Variants in SPTLC3 observed in about 807,000 individuals in gnomAD.
SPTLC3 encodes serine palmitoyltransferase long chain base subunit 3, also known as serine palmitoyltransferase 3.
In SPTLC3, 36 loss-of-function variants were observed where a neutral mutation model predicts 59.3. That is an observed-to-expected ratio of 0.61 (90% confidence interval 0.47 to 0.80). The LOEUF is 0.80. SPTLC3 is among the 30% of genes least tolerant of loss of function. The pLI, the probability that SPTLC3 is intolerant of heterozygous loss-of-function variation, is 0.00. For missense variants in SPTLC3, 625 were observed against 685.1 expected (o/e 0.91, Z 0.98); for synonymous variants, 257 against 240.8 (o/e 1.07, Z -0.62).
At chr20:13,112,513 C>G (rs537384276) in intron 7 of SPTLC3, among the ~76,000 whole-genome samples, 2 of 152,284 alleles carry the variant, frequency 1.3e-5, no homozygotes, top group African/African-American at 2.4e-5. Flanking sequence ...GACCCTACCC[C>G]CTGATGGAGG....
At chr20:13,117,761 G>A (rs976111117) in intron 8 of SPTLC3, 36 bp downstream of exon 8, 1 of 1,564,504 alleles carries the variant, frequency 6.4e-7, no homozygotes, top group Non-Finnish European at 8.7e-7. Flanking sequence ...TTTAAAACCT[G>A]AGCGCCCTGG....
At chr20:13,110,357 C>A in intron 7 of SPTLC3, 140 bp downstream of exon 7, 2 of 657,648 alleles carry the variant, frequency 3.0e-6, no homozygotes, top group Non-Finnish European at 5.1e-6. Context: ...ACAGAGCCAC[C>A]AATGGGAGCT....
In SPTLC3 at chr20:13,091,085, A is replaced by G; in HGVS notation, c.610A>G (p.Thr204Ala). 1 of 1,613,690 alleles carries G rather than the reference A, an allele frequency of 6.2e-7. No homozygotes were observed. Among genetic ancestry groups the G allele is most frequent in the Non-Finnish European group, 8.5e-7 (1 of 1,179,726 alleles). ...TTCTCATGTAATTTTATGTGCAGGC[A>G]CCTTGGATAAGCACAAGGAGTTGGA... ...GVASTRHEMG[T>A]LDKHKELEDL... Residue 204 changes from threonine (T) to alanine (A), a missense_variant and splice_region_variant, in exon 5 of 12, where the codon ACC becomes GCC. Transcript: ENST00000399002.
intron 2 of SPTLC3, among the ~76,000 whole-genome samples, chr20:13,070,236 T>C (rs1043405234): frequency 6.6e-6 from 1 of 152,190 alleles, no homozygotes; most frequent in Non-Finnish European, 1.5e-5. Context: ...AAGGTGAGAC[T>C]TTTAAATGTA....
intron 11 of SPTLC3, chr20:13,164,323 A>T (rs916204660): frequency 2.5e-5 from 12 of 471,602 alleles, no homozygotes; most frequent in African/African-American, 2.0e-4. Flanking sequence ...GATGTTAATC[A>T]GCTCCCGCAA....
chr20:13,051,537 G>A (rs536006111), intron 2 of SPTLC3, among the ~76,000 whole-genome samples: 3 of 152,326 alleles, frequency 2.0e-5, no homozygotes, highest in Admixed American at 6.5e-5. Flanking sequence ...CATCAAGAGA[G>A]AAAGTCAACA....
chr20:13,148,318 C>T (rs2038563107), intron 9 of SPTLC3, among the ~76,000 whole-genome samples: 1 of 152,126 alleles, frequency 6.6e-6, no homozygotes, highest in African/African-American at 2.4e-5. Context: ...GTTAACCTAG[C>T]CTGTCTCTCA....
rs1985977434 is a variant in SPTLC3, at chr20:13,023,196, AC to A, written c.117+13818del. ...CACATGCTTTCTAAAATTGCAACCC[AC>A]CCCCCAACTTCCTGGCCCCTTTCCT... On this transcript the variant is annotated intron_variant, in intron 1 of 11. Transcript: ENST00000399002. Among the ~76,000 whole-genome samples the A allele has an allele frequency of 3.0e-5, 4 of 132,282 alleles. No individual in the cohort carries two copies. In the South Asian group the frequency reaches 1.0e-3, roughly 33 times the overall value. 86.8% of individuals were successfully genotyped at this position (132,282 alleles called of 152,430 possible).
chr20:13,144,241 T>C (rs1358989153), intron 9 of SPTLC3, among the ~76,000 whole-genome samples: 1 of 152,188 alleles, frequency 6.6e-6, no homozygotes, highest in Non-Finnish European at 1.5e-5. Context: ...CTTCTTTTAT[T>C]GGGCACTTGA....
chr20:13,129,341 T>C (rs1375348134), intron 9 of SPTLC3, among the ~76,000 whole-genome samples: 1 of 152,178 alleles, frequency 6.6e-6, no homozygotes, highest in Admixed American at 6.5e-5. Context: ...TGAAGCGAGA[T>C]AGAGTGGCAT....
intron 10 of SPTLC3, among the ~76,000 whole-genome samples, chr20:13,155,254 C>A (rs1333596966): frequency 6.6e-6 from 1 of 152,112 alleles, no homozygotes; most frequent in Admixed American, 6.5e-5. Flanking sequence ...TCTGACCAAG[C>A]ACATGATAGA....
At chr20:13,133,188 A>G (rs2038164765) in intron 9 of SPTLC3, 1 of 152,128 alleles carries the variant, frequency 6.6e-6, no homozygotes. Context: ...CCCTAATCCC[A>G]CACTCTGTTC....
Position 13,160,105 on chromosome 20 carries a change from G to A in SPTLC3, c.1518G>A (p.Ala506=), listed in dbSNP as rs750563511. The stretch of plus-strand genomic sequence containing the variant: ...CTCGGGCTCGGTTTTGTGTTTCAGC[G>A]GCACATACCCGGGAGATGTTAGACA... The part of the protein sequence containing the change: ...AEARARFCVS[A]AHTREMLDTV... The change falls in exon 11 of 12, where the codon GCG becomes GCA. Residue 506 remains alanine, a synonymous_variant. Transcript: ENST00000399002. 5.0e-6 allele frequency: 8 copies of A among 1,613,698 alleles called. No individual in the cohort carries two copies. The highest frequency in any genetic ancestry group is 2.2e-5 in the East Asian group (1 of 44,852).
At chr20:13,156,244 T>C (rs2038765984) in intron 10 of SPTLC3, among the ~76,000 whole-genome samples, 2 of 152,174 alleles carry the variant, frequency 1.3e-5, no homozygotes, top group Admixed American at 6.5e-5. Context: ...AGTGTTACAA[T>C]GACAGTAGGG....
chr20:13,048,542 G>C (rs1173463546), intron 1 of SPTLC3, among the ~76,000 whole-genome samples: 4 of 152,176 alleles, frequency 2.6e-5, no homozygotes, highest in African/African-American at 9.7e-5. Context: ...TAGGTTTGCT[G>C]TGTATTGAAT....
At chr20:13,037,562 C>T (rs958683864) in intron 1 of SPTLC3, among the ~76,000 whole-genome samples, 1 of 152,158 alleles carries the variant, frequency 6.6e-6, no homozygotes, top group Non-Finnish European at 1.5e-5. Context: ...AGTTGGACCA[C>T]AGGGCTTGTT....
chr20:13,160,260 A>C, intron 11 of SPTLC3, 128 bp downstream of exon 11: 1 of 1,150,204 alleles, frequency 8.7e-7, no homozygotes, highest in South Asian at 2.6e-5. Flanking sequence ...CACTGACAAA[A>C]GTCACTGCCA....
intron 9 of SPTLC3, among the ~76,000 whole-genome samples, chr20:13,149,170 A>G (rs902637671): frequency 6.6e-6 from 1 of 152,194 alleles, no homozygotes; most frequent in African/African-American, 2.4e-5. Context: ...TCATTCACTT[A>G]TTTATGTGAG....
At chr20:13,027,602 A>AAATCT (rs1314277198) in intron 1 of SPTLC3, among the ~76,000 whole-genome samples, 2 of 151,702 alleles carry the variant, frequency 1.3e-5, no homozygotes, top group African/African-American at 4.8e-5. Flanking sequence ...GGAAGGAAAA[A>AAATCT]AATCAGAGCC....
Sources: allele counts gnomAD v4.1 joint callset (sites outside exome capture counted in the v4.1 genomes callset), GRCh38; gene constraint gnomAD v4.1.1; transcripts MANE v1.5; gene names NCBI Gene and HGNC (gene_info 2026-07-23, HGNC 2026-07-21).